The following MTHFD1L variants were observed in gnomAD, a reference collection of about 807,000 sequenced individuals.
The protein encoded by MTHFD1L is monofunctional C1-tetrahydrofolate synthase, mitochondrial.
MTHFD1L carries 81 observed loss-of-function variants against 119.5 expected under a neutral mutation model. The ratio of observed to expected loss-of-function variants is 0.68; its 90% CI spans 0.57 to 0.82. The LOEUF (loss-of-function observed/expected upper bound fraction) is 0.82, where lower values mean the gene tolerates loss of function less well. Among genes scored for constraint, MTHFD1L ranks in the 40% least tolerant of loss-of-function variants. MTHFD1L has a pLI of 0.00. For missense variants in MTHFD1L, 1,125 were observed against 1,253.4 expected (o/e 0.90, Z 1.55); for synonymous variants, 430 against 475.2 (o/e 0.90, Z 1.24).
chr6:150,913,298 C>G (rs1289239193), intron 8 of MTHFD1L, among the ~76,000 whole-genome samples: 1 of 151,452 alleles, frequency 6.6e-6, no homozygotes, highest in Non-Finnish European at 1.5e-5. Context: ...GTATCTGGGA[C>G]TAAAGGCGCC....
chr6:150,974,035 G>GT (rs1421945937), intron 20 of MTHFD1L, among the ~76,000 whole-genome samples: 3 of 152,210 alleles, frequency 2.0e-5, no homozygotes, highest in African/African-American at 7.2e-5. Flanking sequence ...CTAAGATGCC[G>GT]TAAGTGGGGG....
intron 7 of MTHFD1L, among the ~76,000 whole-genome samples, chr6:150,904,545 A>G (rs996181247): frequency 6.6e-6 from 1 of 152,190 alleles, no homozygotes; most frequent in African/African-American, 2.4e-5. Context: ...TGTAATACTT[A>G]CAACATCTAG....
intron 8 of MTHFD1L, among the ~76,000 whole-genome samples, chr6:150,906,527 G>A (rs898061261): frequency 1.3e-5 from 2 of 152,240 alleles, no homozygotes; most frequent in South Asian, 2.1e-4. Flanking sequence ...TAGCACAGGT[G>A]AGCCAGAGAC....
chr6:151,006,810 AAC>A (rs1052445355), intron 20 of MTHFD1L, among the ~76,000 whole-genome samples: 2 of 152,024 alleles, frequency 1.3e-5, no homozygotes, highest in Non-Finnish European at 2.9e-5. Context: ...AGGGTAGTTT[AAC>A]ACATAAATAT....
At chr6:150,946,768 TTATG>T (rs1458313067) in intron 15 of MTHFD1L, among the ~76,000 whole-genome samples, 1 of 152,028 alleles carries the variant, frequency 6.6e-6, no homozygotes, top group East Asian at 1.9e-4. Context: ...CAGATCTTTT[TTATG>T]CTTCATTAAA....
At chr6:151,046,656 C>T (rs1788137562) in intron 26 of MTHFD1L, among the ~76,000 whole-genome samples, 1 of 151,826 alleles carries the variant, frequency 6.6e-6, no homozygotes, top group South Asian at 2.1e-4. Flanking sequence ...GTATCTGGTG[C>T]TCATGGAATT....
chr6:150,972,936 ACT>A (rs1798175604), intron 20 of MTHFD1L, among the ~76,000 whole-genome samples: 1 of 152,126 alleles, frequency 6.6e-6, no homozygotes, highest in Non-Finnish European at 1.5e-5. Context: ...AGAAGGGGCA[ACT>A]CTCATAGAGT....
intron 26 of MTHFD1L, among the ~76,000 whole-genome samples, chr6:151,068,880 G>A (rs1014402970): frequency 1.4e-4 from 22 of 152,114 alleles, no homozygotes; most frequent in Admixed American, 1.0e-3. Flanking sequence ...AGCAGTACTC[G>A]TGCACAGCCT....
At chr6:150,891,942 C>T (rs757281330) in intron 7 of MTHFD1L, among the ~76,000 whole-genome samples, 49 of 152,280 alleles carry the variant, frequency 3.2e-4, no homozygotes, top group Middle Eastern at 3.4e-3. Context: ...AAATTGTAAT[C>T]GTGCCAGGGA....
At chr6:151,095,421 C>T (rs1487842354) in intron 27 of MTHFD1L, among the ~76,000 whole-genome samples, 1 of 152,198 alleles carries the variant, frequency 6.6e-6, no homozygotes, top group East Asian at 1.9e-4. Flanking sequence ...GTTTGATTCT[C>T]CCATCTCTCT....
intron 15 of MTHFD1L, 68 bp from the exon 16 acceptor site, chr6:150,948,963 T>C: frequency 7.8e-7 from 1 of 1,279,156 alleles, no homozygotes; most frequent in Non-Finnish European, 1.1e-6. Context: ...ATTAGAGGGA[T>C]AATTTTGGTG....
At chr6:150,954,501 A>G (rs1231575197) in intron 16 of MTHFD1L, among the ~76,000 whole-genome samples, 1 of 152,190 alleles carries the variant, frequency 6.6e-6, no homozygotes, top group Non-Finnish European at 1.5e-5. Flanking sequence ...CAGCCTGGCC[A>G]AAATGGCAAA....
intron 23 of MTHFD1L, 32 bp downstream of exon 23, chr6:151,015,012 A>C: frequency 6.4e-7 from 1 of 1,564,878 alleles, no homozygotes; most frequent in Non-Finnish European, 8.8e-7. Flanking sequence ...AAATGTGGGC[A>C]TTATCACTAG....
chr6:150,901,154 A>T (rs2128828011), intron 7 of MTHFD1L, among the ~76,000 whole-genome samples: 1 of 151,968 alleles, frequency 6.6e-6, no homozygotes, highest in Admixed American at 6.6e-5. Flanking sequence ...ACTACCTAAG[A>T]TTTTCATGGA....
chr6:150,873,644 A>C (rs577239718), intron 1 of MTHFD1L, among the ~76,000 whole-genome samples: 1 of 152,208 alleles, frequency 6.6e-6, no homozygotes, highest in African/African-American at 2.4e-5. Context: ...CCACTGAGAC[A>C]CGTTGAATCA....
intron 26 of MTHFD1L, among the ~76,000 whole-genome samples, chr6:151,091,252 C>CGACTGGGTGCAGCATTGCTCCGTGT (rs1794416458): frequency 7.2e-6 from 1 of 139,358 alleles, no homozygotes; most frequent in South Asian, 2.3e-4. Context: ...TCGTTCCATG[C>CGACTGGGTGCAGCATTGCTCCGTGT]GACTGGGTGC....
At chr6:150,963,319 G>A (rs1796726683) in intron 18 of MTHFD1L, among the ~76,000 whole-genome samples, 1 of 150,752 alleles carries the variant, frequency 6.6e-6, no homozygotes, top group African/African-American at 2.4e-5. Context: ...CAGTTACGTA[G>A]GAATATAGTT....
intron 26 of MTHFD1L, among the ~76,000 whole-genome samples, chr6:151,068,586 T>G (rs1374323384): frequency 6.6e-6 from 1 of 152,206 alleles, no homozygotes; most frequent in African/African-American, 2.4e-5. Context: ...TCTTAATGTT[T>G]CCATCCACTA....
Position 150,926,162 on chromosome 6 carries a change from G to A in MTHFD1L, c.1123G>A (p.Asp375Asn), listed in dbSNP as rs867471007. ...ISRGQTPKAV[D>N]VLAKEIGLLA... The stretch of plus-strand genomic sequence containing the variant: ...AAGAGGACAAACTCCAAAAGCTGTG[G>A]ATGTCCTTGCCAAGGAGATTGGATT... The change falls in exon 11 of 28, where the codon GAT (aspartate) becomes AAT (asparagine). Residue 375 changes from aspartate to asparagine, a missense_variant. Physicochemically the swap from Asp to Asn is conservative, Grantham distance 23. Transcript: ENST00000367321. This position sits in a 1 kb window ranked among gnomAD's most constrained non-coding sequence, Gnocchi z 4.3. The A allele has an allele frequency of 6.8e-6, 11 of 1,613,998 alleles. No individual in the cohort carries two copies. The Middle Eastern group carries it at 1.2e-3, about 169-fold the overall frequency.
Sources: gnomAD v4.1 joint callset for allele counts (sites outside exome capture counted in the v4.1 genomes callset) on GRCh38, gnomAD v4.1.1 for gene constraint, Gnocchi (gnomAD v3.1) non-coding constraint, MANE v1.5 for transcripts, NCBI Gene and HGNC (gene_info 2026-07-23, HGNC 2026-07-21) for gene names.